Variants in ZDHHC21 observed in about 807,000 individuals in gnomAD.
The protein encoded by ZDHHC21 is palmitoyltransferase ZDHHC21.
In ZDHHC21, 15 loss-of-function variants were observed where a neutral mutation model predicts 34.6. That is an observed-to-expected ratio of 0.43 (90% CI 0.29 to 0.67). The LOEUF is 0.67. Ranked by LOEUF, ZDHHC21 falls within the 30% of genes least tolerant of loss-of-function variation. The pLI is 0.14. For synonymous variants in ZDHHC21, 142 were observed against 101.8 expected (o/e 1.40, Z -2.38); for missense variants, 344 against 327.7 (o/e 1.05, Z -0.38).
intron 7 of ZDHHC21, among the ~76,000 whole-genome samples, chr9:14,653,617 A>C (rs974924597): frequency 1.9e-4 from 29 of 151,420 alleles, no homozygotes; most frequent in African/African-American, 7.0e-4. Context: ...TCTCTATCTC[A>C]CCTATGAAGT....
intron 5 of ZDHHC21, among the ~76,000 whole-genome samples, chr9:14,664,840 C>T (rs1834111836): frequency 6.6e-6 from 1 of 151,304 alleles, no homozygotes; most frequent in Admixed American, 6.6e-5. Context: ...CACCGAAAAC[C>T]CATCTGTACA....
intron 3 of ZDHHC21, among the ~76,000 whole-genome samples, chr9:14,679,326 C>A (rs1186206884): frequency 6.6e-6 from 1 of 152,100 alleles, no homozygotes; most frequent in South Asian, 2.1e-4. Flanking sequence ...AGGTAAGAAT[C>A]TAAGTCATAG....
intron 8 of ZDHHC21, among the ~76,000 whole-genome samples, chr9:14,624,114 T>A (rs1282002793): frequency 6.6e-6 from 1 of 152,014 alleles, no homozygotes; most frequent in Non-Finnish European, 1.5e-5. Context: ...AAATAAATAA[T>A]AATATGAATT....
At position 14,611,255 on chromosome 9, in the gene ZDHHC21, T is replaced by C. The variant is rs1823251900; in HGVS notation, c.*7711A>G. 1 of 152,036 alleles carries C rather than the reference T, an allele frequency of 6.6e-6. No homozygotes were observed. The highest frequency in any genetic ancestry group is 1.5e-5 in the Non-Finnish European group (1 of 67,948). 9.4% of individuals were successfully genotyped at this position (152,036 alleles called of 1,614,324 possible). Reference sequence around the variant, plus strand: ...ACAACAACATTGTTCTTAAGGTAGATACATGGTTTGATTTTCACATTAAGA... The same window carrying C: ...ACAACAACATTGTTCTTAAGGTAGACACATGGTTTGATTTTCACATTAAGA... On this transcript the variant is annotated 3_prime_UTR_variant, in exon 10 of 10. Coordinates refer to ENST00000380916, the MANE Select transcript of ZDHHC21 (RefSeq NM_178566.6).
chr9:14,681,730 GGTGTGTGTGTGTGTGT>G (rs34935934), intron 2 of ZDHHC21, among the ~76,000 whole-genome samples: 3 of 148,468 alleles, frequency 2.0e-5, no homozygotes, highest in Non-Finnish European at 4.5e-5. Flanking sequence ...TAAGGGGAAT[GGTGTGTGTGTGTGTGT>G]GTGTGTGTGT....
At chr9:14,594,651 C>G in the ZDHHC21 span, among the ~76,000 whole-genome samples, 1 of 152,078 alleles carries the variant, frequency 6.6e-6, no homozygotes, top group Non-Finnish European at 1.5e-5. Flanking sequence ...GCAAAGACCT[C>G]TTAGATAATA....
chr9:14,692,698 T>G (rs1839331510), intron 1 of ZDHHC21, among the ~76,000 whole-genome samples: 1 of 151,998 alleles, frequency 6.6e-6, no homozygotes, highest in Non-Finnish European at 1.5e-5. Context: ...GAAAACCTCT[T>G]TGGATCAAGA....
At chr9:14,621,790 G>C (rs1405114211) in intron 8 of ZDHHC21, among the ~76,000 whole-genome samples, 1 of 152,020 alleles carries the variant, frequency 6.6e-6, no homozygotes. Flanking sequence ...CAGCAAACTA[G>C]AAGAGGACAG....
chr9:14,669,512 C>G (rs1835076945), intron 5 of ZDHHC21, among the ~76,000 whole-genome samples: 2 of 151,620 alleles, frequency 1.3e-5, no homozygotes. Flanking sequence ...GGTATATACC[C>G]AAAATGACTA....
chr9:14,610,472 A>G (rs1197393403), downstream of ZDHHC21, among the ~76,000 whole-genome samples: 2 of 152,002 alleles, frequency 1.3e-5, no homozygotes, highest in Non-Finnish European at 2.9e-5. Flanking sequence ...AATCTAGAAT[A>G]TTTTTCAAAA....
chr9:14,642,771 A>G (rs1829596748), intron 7 of ZDHHC21, among the ~76,000 whole-genome samples: 1 of 152,214 alleles, frequency 6.6e-6, no homozygotes, highest in African/African-American at 2.4e-5. Context: ...GAATGTGAGA[A>G]AATGAATTTC....
intron 1 of ZDHHC21, among the ~76,000 whole-genome samples, chr9:14,692,187 A>G (rs1331159503): frequency 6.6e-6 from 1 of 152,222 alleles, no homozygotes; most frequent in Non-Finnish European, 1.5e-5. Flanking sequence ...AGTAAAATCT[A>G]AAGAGTTGGA....
Position 14,646,956 on chromosome 9 carries a change from C to A in ZDHHC21, c.505-6944G>T, listed in dbSNP as rs568670476. ...CTGGAATGTAGAATCAGCTCCAGCT[C>A]AACAAATATTTATTAAATGAATGAA... On this transcript the variant is annotated intron_variant, in intron 7 of 9. Transcript: ENST00000380916. 2.0e-5 allele frequency among the ~76,000 whole-genome samples: 3 copies of A among 152,002 alleles called. No individual in the cohort carries two copies. The South Asian group carries it at 6.3e-4, about 32-fold the overall frequency.
Position 14,614,824 on chromosome 9 carries a change from A to G in ZDHHC21, c.*4142T>C, listed in dbSNP as rs1021844262. On this transcript the variant is annotated 3_prime_UTR_variant, in exon 10 of 10. Coordinates refer to ENST00000380916, the MANE Select transcript of ZDHHC21 (RefSeq NM_178566.6). ...TGAAAATCTAATATTTGTATCTATTAGCAAACTACTCAATGTTTGTATGTG... is the reference window on the plus strand; with the variant it reads ...TGAAAATCTAATATTTGTATCTATTGGCAAACTACTCAATGTTTGTATGTG... The G allele has an allele frequency of 1.3e-5, 2 of 151,762 alleles. No homozygotes were observed. Among genetic ancestry groups the G allele is most frequent in the African/African-American group, 2.4e-5 (1 of 41,430 alleles). 9.4% of individuals were successfully genotyped at this position (151,762 alleles called of 1,614,324 possible). A position where few individuals can be genotyped will look rare whatever the true frequency, so the allele number is the denominator to read the frequency against.
At chr9:14,667,428 G>A (rs900708132) in intron 5 of ZDHHC21, among the ~76,000 whole-genome samples, 19 of 151,958 alleles carry the variant, frequency 1.3e-4, no homozygotes, top group Non-Finnish European at 2.5e-4. Context: ...GGTACAAGGA[G>A]GAACTGATAC....
chr9:14,677,969 A>G (rs1390467565), intron 3 of ZDHHC21, among the ~76,000 whole-genome samples: 1 of 152,068 alleles, frequency 6.6e-6, no homozygotes, highest in Non-Finnish European at 1.5e-5. Flanking sequence ...CTATCCGAAC[A>G]CGTATGTCTA....
chr9:14,681,991 G>T (rs1042860614), intron 2 of ZDHHC21, among the ~76,000 whole-genome samples: 4 of 152,138 alleles, frequency 2.6e-5, no homozygotes, highest in African/African-American at 9.7e-5. Context: ...AGCAAATGCT[G>T]AGAGATTTGG....
Position 14,666,441 on chromosome 9 carries a change from G to A in ZDHHC21, c.254-4115C>T, listed in dbSNP as rs1291860716. Among the ~76,000 whole-genome samples, 5 of 100,114 alleles carry A rather than the reference G, an allele frequency of 5.0e-5. 1 individual carries two copies. Among genetic ancestry groups the A allele is most frequent in the Non-Finnish European group, 6.7e-5 (3 of 44,664 alleles). 65.7% of individuals were successfully genotyped at this position (100,114 alleles called of 152,430 possible). On this transcript the variant is annotated intron_variant, in intron 5 of 9. Coordinates refer to ENST00000380916, the MANE Select transcript of ZDHHC21 (RefSeq NM_178566.6). ...CACTGTCAACATTAGACAGATCAAC[G>A]AGACAGAAAGTCAACAAGGATACCC...
chr9:14,677,867 T>C (rs1197786945), intron 3 of ZDHHC21, among the ~76,000 whole-genome samples: 2 of 152,130 alleles, frequency 1.3e-5, no homozygotes, highest in African/African-American at 4.8e-5. Flanking sequence ...AAGAAGAATA[T>C]TCAAGTCACC....
Sources: gnomAD v4.1 joint callset for allele counts (sites outside exome capture counted in the v4.1 genomes callset) on GRCh38, gnomAD v4.1.1 for gene constraint, MANE v1.5 for transcripts, NCBI Gene and HGNC (gene_info 2026-07-23, HGNC 2026-07-21) for gene names.